The following NXPE2 variants were observed in gnomAD, a reference collection of about 807,000 sequenced individuals.
NXPE2 encodes neurexophilin and PC-esterase domain family member 2.
NXPE2 carries 34 observed loss-of-function variants against 34.4 expected under a neutral mutation model. The ratio of observed to expected loss-of-function variants is 0.99; its 90% CI spans 0.75 to 1.31. The LOEUF is 1.31. Among genes scored for constraint, NXPE2 ranks in the 40% most tolerant of loss-of-function variants. The pLI is 0.00. For synonymous variants in NXPE2, 235 were observed against 231.3 expected (o/e 1.02, Z -0.15); for missense variants, 649 against 672.5 (o/e 0.97, Z 0.39).
At chr11:114,808,832 A>C in the NXPE2 span, among the ~76,000 whole-genome samples, 3 of 152,226 alleles carry the variant, frequency 2.0e-5, no homozygotes, top group Non-Finnish European at 4.4e-5. Context: ...AATCCTGCCT[A>C]ACTCATTTTA....
the NXPE2 span, among the ~76,000 whole-genome samples, chr11:114,785,567 ACT>A: frequency 4.6e-5 from 7 of 152,252 alleles, no homozygotes; most frequent in African/African-American, 1.7e-4. Context: ...CTTTAGCAAC[ACT>A]GTGTTCCAAC....
At chr11:114,488,339 G>T in the NXPE2 span, among the ~76,000 whole-genome samples, 1 of 152,040 alleles carries the variant, frequency 6.6e-6, no homozygotes, top group Non-Finnish European at 1.5e-5. Flanking sequence ...TGTAGTTTTG[G>T]TTTTAATGTC....
the NXPE2 span, chr11:114,595,605 A>G: frequency 6.6e-6 from 1 of 152,270 alleles, no homozygotes; most frequent in Non-Finnish European, 1.5e-5. Flanking sequence ...TAGTTTACAG[A>G]TTGTTCAATC....
the NXPE2 span, among the ~76,000 whole-genome samples, chr11:114,777,698 G>T: frequency 6.6e-6 from 1 of 152,102 alleles, no homozygotes; most frequent in Non-Finnish European, 1.5e-5. Flanking sequence ...GTGTATTGTG[G>T]TTCTTCCCGT....
chr11:114,581,654 C>T, the NXPE2 span: 1 of 1,259,620 alleles, frequency 7.9e-7, no homozygotes, highest in African/African-American at 1.5e-5. Context: ...GTGAACAAAT[C>T]CAGTAGAAAG....
chr11:114,663,601 CT>C, the NXPE2 span, among the ~76,000 whole-genome samples: 6 of 97,238 alleles, frequency 6.2e-5, no homozygotes, highest in African/African-American at 1.8e-4. Flanking sequence ...ATCTATCTAT[CT>C]ATCTATCTAT....
chr11:114,526,779 A>G, the NXPE2 span: 1 of 152,192 alleles, frequency 6.6e-6, no homozygotes, highest in Non-Finnish European at 1.5e-5. Context: ...ACAAGGAATA[A>G]TTTTTTAGTG....
chr11:114,639,507 G>A, the NXPE2 span, among the ~76,000 whole-genome samples: 2 of 151,434 alleles, frequency 1.3e-5, no homozygotes, highest in South Asian at 4.1e-4. Context: ...ACTCCCTAGT[G>A]AGATGAACCT....
the NXPE2 span, among the ~76,000 whole-genome samples, chr11:114,740,890 G>A: frequency 6.6e-5 from 10 of 152,114 alleles, no homozygotes; most frequent in Admixed American, 6.5e-4. Context: ...ATATCCTTTT[G>A]ATGGATGACT....
the NXPE2 span, among the ~76,000 whole-genome samples, chr11:114,594,035 G>T: frequency 6.6e-6 from 1 of 152,068 alleles, no homozygotes; most frequent in Non-Finnish European, 1.5e-5. Context: ...GAAGGGTGGT[G>T]GGGGCATGGA....
At chr11:114,560,090 A>G in the NXPE2 span, among the ~76,000 whole-genome samples, 6 of 152,092 alleles carry the variant, frequency 3.9e-5, no homozygotes, top group African/African-American at 1.4e-4. Flanking sequence ...TTGGGAATGG[A>G]AAACCTCTTA....
chr11:114,549,592 C>T, the NXPE2 span, among the ~76,000 whole-genome samples: 1 of 152,110 alleles, frequency 6.6e-6, no homozygotes, highest in East Asian at 1.9e-4. Context: ...TTCCTCTACA[C>T]ATAAAATATA....
chr11:114,618,245 T>C, the NXPE2 span, among the ~76,000 whole-genome samples: 2 of 151,992 alleles, frequency 1.3e-5, no homozygotes, highest in African/African-American at 4.8e-5. Flanking sequence ...GATTGTCTTA[T>C]GGGTAACCAC....
chr11:114,482,777 C>T, the NXPE2 span, among the ~76,000 whole-genome samples: 1 of 152,216 alleles, frequency 6.6e-6, no homozygotes, highest in Non-Finnish European at 1.5e-5. Context: ...CTTTCTCCAA[C>T]ACTTCTCTAC....
chr11:114,482,401 T>C, the NXPE2 span, among the ~76,000 whole-genome samples: 1 of 152,188 alleles, frequency 6.6e-6, no homozygotes, highest in Admixed American at 6.5e-5. Flanking sequence ...GTCTCAGTGT[T>C]ACCCTGAGTA....
At chr11:114,593,270 T>G in the NXPE2 span, among the ~76,000 whole-genome samples, 9 of 152,170 alleles carry the variant, frequency 5.9e-5, no homozygotes, top group African/African-American at 1.9e-4. Context: ...GTTTGCAAAC[T>G]ATCCATCTGA....
At chr11:114,566,537 G>A in the NXPE2 span, among the ~76,000 whole-genome samples, 21 of 152,172 alleles carry the variant, frequency 1.4e-4, no homozygotes, top group East Asian at 1.9e-3. Context: ...CATTAGTACC[G>A]CTGGCAGGAG....
At chr11:114,807,424 A>C in the NXPE2 span, among the ~76,000 whole-genome samples, 1 of 152,166 alleles carries the variant, frequency 6.6e-6, no homozygotes, top group Non-Finnish European at 1.5e-5. Context: ...AAGACCCATC[A>C]GTGTGCTGTA....
At chr11:114,510,579 A>G in the NXPE2 span, among the ~76,000 whole-genome samples, 1 of 152,140 alleles carries the variant, frequency 6.6e-6, no homozygotes, top group Non-Finnish European at 1.5e-5. Flanking sequence ...GGGCAGTGAA[A>G]ACAATAGATG....
Sources: allele counts gnomAD v4.1 joint callset (sites outside exome capture counted in the v4.1 genomes callset), GRCh38; gene constraint gnomAD v4.1.1; transcripts MANE v1.5; gene names NCBI Gene and HGNC (gene_info 2026-07-23, HGNC 2026-07-21).